BIN1: variants seen among roughly 807,000 people sequenced by gnomAD.
BIN1 encodes bridging integrator 1, also known as myc box-dependent-interacting protein 1.
A neutral mutation model predicts 82.0 loss-of-function variants in BIN1; 53 were observed. That is an observed-to-expected ratio of 0.65 (90% CI 0.52 to 0.81). The LOEUF is 0.81. BIN1 is among the 40% of genes least tolerant of loss of function. The pLI is 0.00. For missense variants in BIN1, 642 were observed against 784.4 expected (o/e 0.82, Z 2.17); for synonymous variants, 302 against 328.0 (o/e 0.92, Z 0.86).
chr2:127,088,707 C>A (rs1678507216), intron 1 of BIN1, among the ~76,000 whole-genome samples: 1 of 151,494 alleles, frequency 6.6e-6, no homozygotes, highest in East Asian at 1.9e-4. Flanking sequence ...CCACTGCACT[C>A]CAGCCAGGGC....
At chr2:127,106,814 C>T (rs1258600270) in intron 1 of BIN1, 46 bp downstream of exon 1, 10 of 1,559,554 alleles carry the variant, frequency 6.4e-6, no homozygotes, top group Non-Finnish European at 8.7e-6. Context: ...GCCGGGGCTC[C>T]GCGGCGGCTG....
chr2:127,075,755 G>GC (rs796292283), intron 2 of BIN1, among the ~76,000 whole-genome samples: 645 of 63,770 alleles, frequency 0.01, 4 homozygotes, highest in Middle Eastern at 0.024. Context: ...CCTCCCAGCT[G>GC]CCCCCCACCA....
intron 12 of BIN1, chr2:127,055,966 G>C (rs1558804059): frequency 6.6e-6 from 1 of 152,290 alleles, no homozygotes; most frequent in Non-Finnish European, 1.5e-5. Flanking sequence ...GGCAGGTATG[G>C]TATGGAGGGA....
At chr2:127,085,805 T>C (rs940392765) in intron 1 of BIN1, among the ~76,000 whole-genome samples, 1 of 152,096 alleles carries the variant, frequency 6.6e-6, no homozygotes, top group Admixed American at 6.5e-5. Context: ...TGTGCCCCCA[T>C]ACCTGGGGCC....
intron 1 of BIN1, among the ~76,000 whole-genome samples, chr2:127,106,380 G>T (rs1473086778): frequency 1.3e-5 from 2 of 152,238 alleles, no homozygotes; most frequent in Non-Finnish European, 2.9e-5. Context: ...GGTTCGAGAA[G>T]CAGCCTTGGG....
At position 127,057,967 on chromosome 2, in the gene BIN1, G is replaced by A. The variant is rs564782062; in HGVS notation, c.1003-366C>T. ...TCCCACTGGCCTGGTGAGAAGACTG[G>A]GGAAGCAAACAGTCGTTGAGAGACA... On this transcript the variant is annotated intron_variant, in intron 11 of 18. Coordinates refer to ENST00000316724, the MANE Select transcript of BIN1 (RefSeq NM_139343.3). The surrounding 1 kb of genome is among the most constrained non-coding windows in gnomAD (Gnocchi z 5.0). 1.3e-5 allele frequency among the ~76,000 whole-genome samples: 2 copies of A among 152,284 alleles called. No homozygotes were observed. The highest frequency in any genetic ancestry group is 6.5e-5 in the Admixed American group (1 of 15,304).
chr2:127,099,823 A>G (rs1680080614), intron 1 of BIN1, among the ~76,000 whole-genome samples: 1 of 129,024 alleles, frequency 7.8e-6, no homozygotes, highest in South Asian at 2.4e-4. Context: ...TTTTTTTTTG[A>G]GACGGAGTCT....
Position 127,048,202 on chromosome 2 carries a change from G to A in BIN1, c.*324C>T, listed in dbSNP as rs959061209. The A allele has an allele frequency of 4.5e-5, 18 of 397,140 alleles. No homozygotes were observed. The highest frequency in any genetic ancestry group is 8.2e-5 in the African/African-American group (4 of 48,778). 24.6% of individuals were successfully genotyped at this position (397,140 alleles called of 1,614,324 possible). A position where few individuals can be genotyped will look rare whatever the true frequency, so the allele number is the denominator to read the frequency against. On this transcript the variant is annotated 3_prime_UTR_variant, in exon 19 of 19. Coordinates refer to ENST00000316724, the MANE Select transcript of BIN1 (RefSeq NM_139343.3). Reference sequence around the variant, plus strand: ...CCCTTGCCCGGGTGGCGCGGCCGAAGCTTCAGGCAAGCATGGTGGCTCGGC... The same window carrying A: ...CCCTTGCCCGGGTGGCGCGGCCGAAACTTCAGGCAAGCATGGTGGCTCGGC...
chr2:127,058,195 G>A (rs1212759648), intron 11 of BIN1, among the ~76,000 whole-genome samples: 1 of 152,208 alleles, frequency 6.6e-6, no homozygotes, highest in Non-Finnish European at 1.5e-5. Flanking sequence ...CCATGACGCT[G>A]GGCTTCCTCA....
chr2:127,103,676 C>T (rs993281202), intron 1 of BIN1, among the ~76,000 whole-genome samples: 3 of 152,188 alleles, frequency 2.0e-5, no homozygotes, highest in Non-Finnish European at 4.4e-5. Flanking sequence ...CAGATCCCCA[C>T]CCCCTCAGCT....
chr2:127,051,093 C>G, intron 16 of BIN1, 61 bp downstream of exon 16: 5 of 1,598,988 alleles, frequency 3.1e-6, no homozygotes, highest in Non-Finnish European at 4.3e-6. Context: ...CACAGGGGAG[C>G]CCCGGACAGG....
intron 9 of BIN1, 88 bp downstream of exon 9, chr2:127,063,483 A>T (rs1016639241): frequency 7.3e-7 from 1 of 1,369,370 alleles, no homozygotes; most frequent in Non-Finnish European, 1.0e-6. Flanking sequence ...GCAGGGAAGG[A>T]GGAGTTCAGG....
At chr2:127,104,792 C>T (rs1680822136) in intron 1 of BIN1, among the ~76,000 whole-genome samples, 1 of 152,200 alleles carries the variant, frequency 6.6e-6, no homozygotes, top group South Asian at 2.1e-4. Context: ...AGGCATGGGG[C>T]TTCCTGCGAG....
Position 127,063,610 on chromosome 2 carries a change from G to C in BIN1, c.735C>G (p.Ile245Met), listed in dbSNP as rs184358580. ...VGFYVNTFQS[I>M]AGLEENFHKE... ...TGTGGAAGTTTTCCTCCAGGCCCGC[G>C]ATGCTCTGGAACGTGTTGACGTAGA... The change falls in exon 9 of 19, where the codon ATC becomes ATG. Residue 245 changes from isoleucine (I) to methionine (M), a missense_variant. Ile to Met is a conservative substitution (Grantham distance 10). Coordinates refer to ENST00000316724, the MANE Select transcript of BIN1 (RefSeq NM_139343.3). 3 of 1,613,978 alleles carry C rather than the reference G, an allele frequency of 1.9e-6. 1 individual carries two copies. In the South Asian group the frequency reaches 3.3e-5, roughly 18 times the overall value.
At chr2:127,070,441 C>T (rs1340413442) in intron 4 of BIN1, 112 bp downstream of exon 4, 82 of 1,330,534 alleles carry the variant, frequency 6.2e-5, no homozygotes, top group Non-Finnish European at 7.7e-5. Context: ...GCACACAGCA[C>T]GCGAATGCCC....
intron 18 of BIN1, 155 bp downstream of exon 18, chr2:127,050,266 C>T (rs1013935534): frequency 4.1e-6 from 3 of 734,480 alleles, no homozygotes; most frequent in South Asian, 1.6e-5. Flanking sequence ...GGAAAAAGCC[C>T]GACGTGGAGG....
chr2:127,083,517 A>T (rs1687565057), intron 1 of BIN1, among the ~76,000 whole-genome samples: 1 of 152,208 alleles, frequency 6.6e-6, no homozygotes, highest in Non-Finnish European at 1.5e-5. Flanking sequence ...TTTCCTAAGA[A>T]CAAGAACATG....
chr2:127,072,326 T>C (rs1166851604), intron 2 of BIN1, among the ~76,000 whole-genome samples: 1 of 152,156 alleles, frequency 6.6e-6, no homozygotes, highest in Non-Finnish European at 1.5e-5. Flanking sequence ...CCTGGTGCCC[T>C]AGGGGCCAGC....
chr2:127,060,813 C>T (rs1320934616), intron 10 of BIN1, among the ~76,000 whole-genome samples: 1 of 152,142 alleles, frequency 6.6e-6, no homozygotes, highest in Non-Finnish European at 1.5e-5. Context: ...CCCGGGGTGC[C>T]CTGACTGGCC....
Sources: gnomAD v4.1 joint callset for allele counts (sites outside exome capture counted in the v4.1 genomes callset) on GRCh38, gnomAD v4.1.1 for gene constraint, Gnocchi (gnomAD v3.1) non-coding constraint, MANE v1.5 for transcripts, NCBI Gene and HGNC (gene_info 2026-07-23, HGNC 2026-07-21) for gene names.